The following CAMK1D variants were observed in gnomAD, a reference collection of about 807,000 sequenced individuals.
CAMK1D encodes the protein calcium/calmodulin-dependent protein kinase type 1D.
Under a neutral mutation model 47.7 loss-of-function variants are expected in CAMK1D, and 9 were observed. The observed-to-expected ratio is 0.19, with a 90% confidence interval of 0.11 to 0.33. The LOEUF (loss-of-function observed/expected upper bound fraction) is 0.33, where lower values mean the gene tolerates loss of function less well. CAMK1D is among the 10% of genes least tolerant of loss of function. The probability of loss-of-function intolerance (pLI) is 1.00; values close to 1 mark genes in which losing one functional copy is unlikely to be tolerated. For missense variants in CAMK1D, 291 were observed against 488.7 expected (o/e 0.60, Z 3.81); for synonymous variants, 184 against 184.9 (o/e 0.99, Z 0.04).
At chr10:12,482,924 A>G (rs1381493034) in intron 1 of CAMK1D, among the ~76,000 whole-genome samples, 2 of 152,178 alleles carry the variant, frequency 1.3e-5, no homozygotes, top group African/African-American at 2.4e-5. Context: ...ACGTTTTCAG[A>G]TGGTAGGATC....
At chr10:12,777,934 G>A (rs1837333721) in intron 5 of CAMK1D, among the ~76,000 whole-genome samples, 1 of 152,242 alleles carries the variant, frequency 6.6e-6, no homozygotes, top group East Asian at 1.9e-4. Context: ...AGGGAGGAGG[G>A]AGAGAGAGCT....
In CAMK1D at chr10:12,467,838, A is replaced by G. The variant is rs1318632080; in HGVS notation, c.93-85387A>G. ...GGTCTTTGTTCACATGAGGTTTACAACATATGTTCTTTAGGTTTTTTAAAT... is the reference window on the plus strand; with the variant it reads ...GGTCTTTGTTCACATGAGGTTTACAGCATATGTTCTTTAGGTTTTTTAAAT... On this transcript the variant is annotated intron_variant, in intron 1 of 10. Coordinates refer to ENST00000619168, the MANE Select transcript of CAMK1D (RefSeq NM_153498.4). Among the ~76,000 whole-genome samples the G allele has an allele frequency of 2.0e-5, 3 of 152,198 alleles. No individual in the cohort carries two copies. In the East Asian group the frequency reaches 5.8e-4, roughly 29 times the overall value.
chr10:12,685,998 A>G (rs1334019660), intron 3 of CAMK1D, among the ~76,000 whole-genome samples: 1 of 152,154 alleles, frequency 6.6e-6, no homozygotes, highest in East Asian at 1.9e-4. Context: ...TGATACATTC[A>G]CTGTGTAGAT....
At chr10:12,686,670 A>G (rs1450290187) in intron 3 of CAMK1D, among the ~76,000 whole-genome samples, 1 of 152,134 alleles carries the variant, frequency 6.6e-6, no homozygotes, top group East Asian at 1.9e-4. Context: ...ATAGAAACAT[A>G]TCTGCTTATT....
chr10:12,457,779 CAAAAAAAAAAAA>C (rs5783269), intron 1 of CAMK1D, among the ~76,000 whole-genome samples: 2 of 71,130 alleles, frequency 2.8e-5, no homozygotes, highest in African/African-American at 9.8e-5. Flanking sequence ...GACTCTGTCT[CAAAAAAAAAAAA>C]AAAAAAAAAG....
At chr10:12,647,024 G>A (rs1243411207) in intron 2 of CAMK1D, among the ~76,000 whole-genome samples, 1 of 151,580 alleles carries the variant, frequency 6.6e-6, no homozygotes, top group Non-Finnish European at 1.5e-5. Context: ...TGTAGTTTTA[G>A]TAGAGATGGG....
chr10:12,758,631 C>G (rs181461189), intron 3 of CAMK1D, among the ~76,000 whole-genome samples: 7 of 152,316 alleles, frequency 4.6e-5, no homozygotes, highest in Admixed American at 4.6e-4. Context: ...ATATTTTATG[C>G]AGATTTTTTC....
chr10:12,612,339 CTTTT>C (rs11333936), intron 2 of CAMK1D, among the ~76,000 whole-genome samples: 17 of 121,720 alleles, frequency 1.4e-4, no homozygotes, highest in Admixed American at 3.5e-4. Flanking sequence ...TAATTAATTA[CTTTT>C]TTTTTTTTTT....
intron 1 of CAMK1D, among the ~76,000 whole-genome samples, chr10:12,352,704 C>T (rs547739137): frequency 1.3e-5 from 2 of 151,090 alleles, no homozygotes; most frequent in South Asian, 2.1e-4. Context: ...CATTTCAGAG[C>T]TTTTGGATTG....
intron 2 of CAMK1D, among the ~76,000 whole-genome samples, chr10:12,595,349 A>AAAAAAAAAAAAG: frequency 6.8e-6 from 1 of 147,992 alleles, no homozygotes; most frequent in Non-Finnish European, 1.5e-5. Flanking sequence ...TCTGAAAAAA[A>AAAAAAAAAAAAG]AAAAAAAAAA....
At chr10:12,784,782 C>G (rs1431160037) in intron 5 of CAMK1D, among the ~76,000 whole-genome samples, 1 of 152,184 alleles carries the variant, frequency 6.6e-6, no homozygotes, top group East Asian at 1.9e-4. Context: ...TGACTTGTAG[C>G]CCAGTCGTGT....
chr10:12,376,968 C>A (rs969707180), intron 1 of CAMK1D, among the ~76,000 whole-genome samples: 3 of 152,030 alleles, frequency 2.0e-5, no homozygotes, highest in African/African-American at 7.3e-5. Flanking sequence ...ACCATGTTGA[C>A]CAGGCTGGTC....
intron 6 of CAMK1D, among the ~76,000 whole-genome samples, chr10:12,796,237 T>G (rs1033402616): frequency 6.6e-6 from 1 of 152,078 alleles, no homozygotes; most frequent in Non-Finnish European, 1.5e-5. Flanking sequence ...AACAGGCACG[T>G]CAGAGGCACA....
chr10:12,415,013 G>A (rs939942094), intron 1 of CAMK1D, among the ~76,000 whole-genome samples: 9 of 152,110 alleles, frequency 5.9e-5, no homozygotes, highest in Non-Finnish European at 1.3e-4. Flanking sequence ...TTATAGATCC[G>A]TTATGTTTCC....
chr10:12,366,454 A>C (rs1243942372), intron 1 of CAMK1D, among the ~76,000 whole-genome samples: 1 of 151,986 alleles, frequency 6.6e-6, no homozygotes, highest in Non-Finnish European at 1.5e-5. Context: ...CAGGAGTTTG[A>C]GACGAGCCTG....
At chr10:12,711,815 T>C (rs1258105538) in intron 3 of CAMK1D, among the ~76,000 whole-genome samples, 1 of 152,202 alleles carries the variant, frequency 6.6e-6, no homozygotes, top group South Asian at 2.1e-4. Context: ...GAAGGCAACA[T>C]TGACAGCAGT....
chr10:12,506,132 G>T (rs2815658), intron 1 of CAMK1D, among the ~76,000 whole-genome samples: 87,644 of 151,952 alleles, frequency 0.58, 25,500 homozygotes, highest in South Asian at 0.7. Flanking sequence ...GAAGATAATG[G>T]ATGAGGCTGG....
At chr10:12,708,115 A>T (rs1489648534) in intron 3 of CAMK1D, among the ~76,000 whole-genome samples, 1 of 152,154 alleles carries the variant, frequency 6.6e-6, no homozygotes, top group African/African-American at 2.4e-5. Context: ...AACACAATAC[A>T]TTTTATTTAG....
chr10:12,713,236 A>G (rs1834002175), intron 3 of CAMK1D, among the ~76,000 whole-genome samples: 1 of 152,120 alleles, frequency 6.6e-6, no homozygotes, highest in African/African-American at 2.4e-5. Flanking sequence ...AGGCCCGGCT[A>G]ATTTTTTGTA....
Sources: allele counts gnomAD v4.1 joint callset (sites outside exome capture counted in the v4.1 genomes callset), GRCh38; gene constraint gnomAD v4.1.1; transcripts MANE v1.5; gene names NCBI Gene and HGNC (gene_info 2026-07-23, HGNC 2026-07-21).